Variants in MEGF9 observed in about 807,000 individuals in gnomAD.
MEGF9 encodes multiple EGF like domains 9, also known as multiple epidermal growth factor-like domains protein 9.
A neutral mutation model predicts 46.8 loss-of-function variants in MEGF9; 6 were observed. The ratio of observed to expected loss-of-function variants is 0.13; its 90% CI spans 0.07 to 0.25. The LOEUF is 0.25. MEGF9 is among the 10% of genes least tolerant of loss of function. MEGF9 has a pLI of 1.00. For missense variants in MEGF9, 683 were observed against 792.4 expected (o/e 0.86, Z 1.66); for synonymous variants, 302 against 330.7 (o/e 0.91, Z 0.94).
intron 2 of MEGF9, among the ~76,000 whole-genome samples, chr9:120,626,896 A>G (rs1217026882): frequency 6.6e-6 from 1 of 152,210 alleles, no homozygotes; most frequent in African/African-American, 2.4e-5. Flanking sequence ...TCTGGCACAT[A>G]CTCAGTACTC....
At chr9:120,672,411 A>G (rs2043753526) in intron 1 of MEGF9, among the ~76,000 whole-genome samples, 1 of 150,964 alleles carries the variant, frequency 6.6e-6, no homozygotes, top group Non-Finnish European at 1.5e-5. Flanking sequence ...TAGGCAACAT[A>G]GTGAGACCCC....
In MEGF9 at chr9:120,652,245, G is replaced by A. The variant is rs2043655846; in HGVS notation, c.803+7129C>T. Among the ~76,000 whole-genome samples, 5 of 138,662 alleles carry A rather than the reference G, an allele frequency of 3.6e-5. No homozygotes were observed. The South Asian group carries it at 1.2e-3, about 33-fold the overall frequency. The allele number at this position is 138,662 out of a possible 152,430, so 91.0% of individuals were successfully genotyped here. A position where few individuals can be genotyped will look rare whatever the true frequency, so the allele number is the denominator to read the frequency against. Reference sequence around the variant, plus strand: ...TCCTGCCTGCAATCCCAGAACTTTGGGAGGCCAAGGCAGATGGATCACTTG... The same window carrying A: ...TCCTGCCTGCAATCCCAGAACTTTGAGAGGCCAAGGCAGATGGATCACTTG... On this transcript the variant is annotated intron_variant, in intron 2 of 5. Transcript: ENST00000373930.
chr9:120,693,275 C>CAAAAAA (rs10633158), intron 1 of MEGF9, among the ~76,000 whole-genome samples: 203 of 104,012 alleles, frequency 2.0e-3, no homozygotes, highest in Middle Eastern at 5.2e-3. Context: ...TCTGGTTAAC[C>CAAAAAA]AAAAAAAAAA....
intron 1 of MEGF9, among the ~76,000 whole-genome samples, chr9:120,691,664 T>C (rs2043849193): frequency 1.3e-5 from 2 of 152,174 alleles, no homozygotes; most frequent in East Asian, 3.8e-4. Flanking sequence ...GCTTTCACTG[T>C]TTTAAGTGCT....
At chr9:120,613,212 T>C (rs1352837921) in intron 3 of MEGF9, among the ~76,000 whole-genome samples, 1 of 152,116 alleles carries the variant, frequency 6.6e-6, no homozygotes, top group African/African-American at 2.4e-5. Context: ...AGAATACTTA[T>C]TAAAATTTAA....
intron 2 of MEGF9, among the ~76,000 whole-genome samples, chr9:120,631,006 T>G (rs764379413): frequency 1.3e-5 from 2 of 152,206 alleles, no homozygotes; most frequent in African/African-American, 2.4e-5. Context: ...TTTGTCTATT[T>G]TTGCTTTTAT....
intron 1 of MEGF9, among the ~76,000 whole-genome samples, chr9:120,709,029 A>C (rs2043941097): frequency 6.6e-6 from 1 of 152,226 alleles, no homozygotes. Flanking sequence ...CCCATCCAGA[A>C]GGAATGAGGC....
At chr9:120,623,989 G>A (rs1587976516) in intron 2 of MEGF9, among the ~76,000 whole-genome samples, 1 of 152,304 alleles carries the variant, frequency 6.6e-6, no homozygotes, top group South Asian at 2.1e-4. Flanking sequence ...CAACCTACAA[G>A]AAGAAGGTAT....
intron 1 of MEGF9, among the ~76,000 whole-genome samples, chr9:120,668,219 G>C (rs1420188490): frequency 6.6e-6 from 1 of 152,104 alleles, no homozygotes; most frequent in Non-Finnish European, 1.5e-5. Context: ...TTTTTGTTTT[G>C]AGAGTCTTAC....
intron 1 of MEGF9, among the ~76,000 whole-genome samples, chr9:120,685,338 A>C (rs1463631059): frequency 6.6e-6 from 1 of 152,198 alleles, no homozygotes; most frequent in Non-Finnish European, 1.5e-5. Context: ...ACTTCCTCTA[A>C]TTATTGCCAA....
intron 1 of MEGF9, among the ~76,000 whole-genome samples, chr9:120,683,163 C>CA (rs1482848639): frequency 2.6e-5 from 4 of 152,196 alleles, no homozygotes; most frequent in Non-Finnish European, 5.9e-5. Flanking sequence ...CCACCAGCCT[C>CA]AAAATCACCT....
chr9:120,675,922 TATATC>T, intron 1 of MEGF9, among the ~76,000 whole-genome samples: 1 of 151,612 alleles, frequency 6.6e-6, no homozygotes, highest in East Asian at 1.9e-4. Flanking sequence ...AACCTATTCT[TATATC>T]AGCACATAAA....
At chr9:120,659,332 G>A (rs1018366805) in intron 2 of MEGF9, 42 bp downstream of exon 2, 12 of 1,554,242 alleles carry the variant, frequency 7.7e-6, no homozygotes, top group Non-Finnish European at 1.0e-5. Context: ...TTTTCCCCTT[G>A]CTAAAATAAA....
chr9:120,702,892 G>C (rs1054820330), intron 1 of MEGF9, among the ~76,000 whole-genome samples: 3 of 152,166 alleles, frequency 2.0e-5, no homozygotes, highest in African/African-American at 7.2e-5. Context: ...TCATTTAACA[G>C]ATAAAACTAC....
chr9:120,612,367 TAAAA>T (rs1325159423), intron 4 of MEGF9, 25 bp downstream of exon 4: 1 of 1,592,256 alleles, frequency 6.3e-7, no homozygotes, highest in Non-Finnish European at 8.5e-7. Flanking sequence ...TTTTTCCCTC[TAAAA>T]TGAAAAGTTA....
At chr9:120,706,633 G>A (rs997615288) in intron 1 of MEGF9, among the ~76,000 whole-genome samples, 3 of 152,282 alleles carry the variant, frequency 2.0e-5, no homozygotes, top group South Asian at 4.1e-4. Flanking sequence ...TCAGGAGTTC[G>A]AGACTAGCCT....
chr9:120,642,682 C>G (rs2132314022), intron 2 of MEGF9, among the ~76,000 whole-genome samples: 1 of 152,270 alleles, frequency 6.6e-6, no homozygotes, highest in Middle Eastern at 3.4e-3. Flanking sequence ...TCCACAATAT[C>G]TGTTTTAATG....
At chr9:120,610,048 GT>G (rs1291854646) in intron 4 of MEGF9, among the ~76,000 whole-genome samples, 1 of 152,122 alleles carries the variant, frequency 6.6e-6, no homozygotes, top group Non-Finnish European at 1.5e-5. Flanking sequence ...AGTGGGTAGT[GT>G]GATCTCAAGT....
chr9:120,659,324 T>G, intron 2 of MEGF9, 50 bp downstream of exon 2: 2 of 1,537,070 alleles, frequency 1.3e-6, no homozygotes, highest in Non-Finnish European at 1.8e-6. Flanking sequence ...AGCCTTTTTT[T>G]TCCCCTTGCT....
Sources: gnomAD v4.1 joint callset for allele counts (sites outside exome capture counted in the v4.1 genomes callset) on GRCh38, gnomAD v4.1.1 for gene constraint, MANE v1.5 for transcripts, NCBI Gene and HGNC (gene_info 2026-07-23, HGNC 2026-07-21) for gene names.